The following RGP1 variants were observed in gnomAD, a reference collection of about 807,000 sequenced individuals.
The protein encoded by RGP1 is RAB6A-GEF complex partner protein 2.
RGP1 carries 28 observed loss-of-function variants against 44.5 expected under a neutral mutation model. That is an observed-to-expected ratio of 0.63 (90% CI 0.47 to 0.86). The LOEUF (loss-of-function observed/expected upper bound fraction) is 0.86, where lower values mean the gene tolerates loss of function less well. RGP1 is among the 40% of genes least tolerant of loss of function. The pLI is 0.00. For missense variants in RGP1, 417 were observed against 490.7 expected (o/e 0.85, Z 1.42); for synonymous variants, 212 against 196.7 (o/e 1.08, Z -0.65).
Position 35,754,398 on chromosome 9 carries a change from C to T in RGP1, c.*1524C>T. The T allele has an allele frequency of 3.0e-6, 1 of 330,652 alleles. No homozygotes were observed. 20.5% of individuals were successfully genotyped at this position (330,652 alleles called of 1,614,324 possible). ...ATGAAAACAAGAGGTCTAGCTTTAA[C>T]AAGCTGTGAGAGCTGATTCATGCCC... On this transcript the variant is annotated 3_prime_UTR_variant, in exon 9 of 9. Transcript: ENST00000378078.
rs778378494 is a variant in RGP1 at position 35,750,376 on chromosome 9, C to G, written c.250C>G (p.Arg84Gly). The G allele has an allele frequency of 2.5e-6, 4 of 1,613,860 alleles. No homozygotes were observed. Among genetic ancestry groups the G allele is most frequent in the Middle Eastern group, 1.6e-4 (1 of 6,062 alleles). Residue 84 changes from arginine to glycine, a missense_variant, in exon 3 of 9, where the codon CGA (arginine) becomes GGA (glycine). Coordinates refer to ENST00000378078, the MANE Select transcript of RGP1 (RefSeq NM_001080496.3). ...CAGCCAGACTGTCTTTCTGCCACACCGAGGTTAGAGAGGGGCATTTGCCTG... is the reference window on the plus strand; with the variant it reads ...CAGCCAGACTGTCTTTCTGCCACACGGAGGTTAGAGAGGGGCATTTGCCTG... ...PDSQTVFLPH[R>G]GERGQCILST... is the part of the protein sequence containing the mutation.
Position 35,753,494 on chromosome 9 carries a change from A to G in RGP1, c.*620A>G, listed in dbSNP as rs1827307089. ...GGTCCACCCCAACCTCCCCTGATTT[A>G]TAGCCTGAAGCCTTATCTTTCACAC... On this transcript the variant is annotated 3_prime_UTR_variant, in exon 9 of 9. Coordinates refer to ENST00000378078, the MANE Select transcript of RGP1 (RefSeq NM_001080496.3). This position sits in a 1 kb window ranked among gnomAD's most constrained non-coding sequence, Gnocchi z 4.2. 2.6e-6 allele frequency: 2 copies of G among 775,916 alleles called. No homozygotes were observed. The highest frequency in any genetic ancestry group is 4.1e-6 in the Non-Finnish European group (2 of 482,284). 48.1% of individuals were successfully genotyped at this position (775,916 alleles called of 1,614,324 possible). A position where few individuals can be genotyped will look rare whatever the true frequency, so the allele number is the denominator to read the frequency against.
the RGP1 span, among the ~76,000 whole-genome samples, chr9:35,776,852 G>A: frequency 0.032 from 4,867 of 151,494 alleles, 97 homozygotes; most frequent in Middle Eastern, 0.12. Context: ...AAAATTAGCC[G>A]GACGTGGTGG....
rs937495454 is a variant in RGP1 at position 35,758,293 on chromosome 9, G to C, written c.*5419G>C. 1 of 152,218 alleles carries C rather than the reference G, an allele frequency of 6.6e-6. No homozygotes were observed. The highest frequency in any genetic ancestry group is 1.5e-5 in the Non-Finnish European group (1 of 68,050). 9.4% of individuals were successfully genotyped at this position (152,218 alleles called of 1,614,324 possible). On this transcript the variant is annotated 3_prime_UTR_variant, in exon 9 of 9. Transcript: ENST00000378078. ...TGAGGCTACTATCTTCTGTGGATGT[G>C]TATGTAATTATACAGTTTCTGTATT...
the RGP1 span, among the ~76,000 whole-genome samples, chr9:35,765,656 C>CA: frequency 0.46 from 50,392 of 109,876 alleles, 9,487 homozygotes; most frequent in Middle Eastern, 0.54. Context: ...GACCCTGTCT[C>CA]AAAAAAAAAA....
downstream of RGP1, among the ~76,000 whole-genome samples, chr9:35,761,930 G>A (rs1318660753): frequency 6.6e-6 from 1 of 152,162 alleles, no homozygotes; most frequent in Non-Finnish European, 1.5e-5. Flanking sequence ...GAGGCAGGCA[G>A]ATCACTTGAG....
chr9:35,777,147 T>C, the RGP1 span, among the ~76,000 whole-genome samples: 1 of 84,120 alleles, frequency 1.2e-5, no homozygotes, highest in Non-Finnish European at 2.3e-5. Flanking sequence ...TTTTTTTTTT[T>C]GAGACAGAGT....
At position 35,752,021 on chromosome 9, in the gene RGP1, G is replaced by T. The variant is rs939705636; in HGVS notation, c.828G>T (p.Gly276=). 1 of 1,609,648 alleles carries T rather than the reference G, an allele frequency of 6.2e-7. No homozygotes were observed. The highest frequency in any genetic ancestry group is 1.3e-5 in the African/African-American group (1 of 74,798). The change falls in exon 8 of 9, where the codon GGG becomes GGT. Residue 276 remains glycine, a synonymous_variant. Transcript: ENST00000378078. The stretch of plus-strand genomic sequence containing the variant: ...AGTACCAGCGGCGACGTGGGGCAGG[G>T]GGTGTCCCCTCTGTGTCACATGTGA... ...QPEYQRRRGA[G]GVPSVSHVTH... is the part of the protein sequence containing the mutation.
At chr9:35,788,074 A>G in the RGP1 span, among the ~76,000 whole-genome samples, 1 of 152,248 alleles carries the variant, frequency 6.6e-6, no homozygotes, top group African/African-American at 2.4e-5. Context: ...AGTTTGGGGC[A>G]TCAGAGCCTA....
chr9:35,773,381 C>G, the RGP1 span, among the ~76,000 whole-genome samples: 6 of 151,964 alleles, frequency 3.9e-5, no homozygotes, highest in African/African-American at 1.4e-4. Context: ...AGAGTAAGAA[C>G]CTGTCTTAAG....
At chr9:35,770,694 C>T in the RGP1 span, among the ~76,000 whole-genome samples, 1 of 152,128 alleles carries the variant, frequency 6.6e-6, no homozygotes, top group Non-Finnish European at 1.5e-5. Flanking sequence ...TGTACCACTA[C>T]AGTCAGCTGT....
At chr9:35,764,261 G>A in the RGP1 span, among the ~76,000 whole-genome samples, 22 of 152,228 alleles carry the variant, frequency 1.4e-4, no homozygotes, top group Admixed American at 1.0e-3. Flanking sequence ...TTAAAAATTC[G>A]ACTTAAGCTA....
chr9:35,786,280 T>C, the RGP1 span, among the ~76,000 whole-genome samples: 1 of 152,200 alleles, frequency 6.6e-6, no homozygotes, highest in East Asian at 1.9e-4. Context: ...CACTTTTTCC[T>C]CAGTGAAAGA....
At chr9:35,775,687 A>G in the RGP1 span, among the ~76,000 whole-genome samples, 1 of 152,202 alleles carries the variant, frequency 6.6e-6, no homozygotes, top group Non-Finnish European at 1.5e-5. Context: ...TTGGTCATAT[A>G]CTACTGATCA....
the RGP1 span, among the ~76,000 whole-genome samples, chr9:35,788,760 G>T: frequency 6.6e-6 from 1 of 152,040 alleles, no homozygotes; most frequent in African/African-American, 2.4e-5. Context: ...TTGCAGCATG[G>T]TCACCAAATA....
chr9:35,766,136 TGTCA>T, the RGP1 span, among the ~76,000 whole-genome samples: 1 of 147,728 alleles, frequency 6.8e-6, no homozygotes, highest in South Asian at 2.1e-4. Flanking sequence ...GCCTTAGTAT[TGTCA>T]GTTTCTTAAA....
chr9:35,770,034 T>C, the RGP1 span, among the ~76,000 whole-genome samples: 1 of 152,210 alleles, frequency 6.6e-6, no homozygotes, highest in African/African-American at 2.4e-5. Context: ...GAATGTTTTA[T>C]AGTGTGGGTT....
At chr9:35,779,965 T>G in the RGP1 span, among the ~76,000 whole-genome samples, 1 of 152,186 alleles carries the variant, frequency 6.6e-6, no homozygotes, top group Non-Finnish European at 1.5e-5. Context: ...CTCAAACTCC[T>G]GGGCTCAAGT....
chr9:35,766,001 A>AT, the RGP1 span, among the ~76,000 whole-genome samples: 1 of 151,292 alleles, frequency 6.6e-6, no homozygotes, highest in Admixed American at 6.6e-5. Flanking sequence ...TACCTGGCTA[A>AT]TTTTTTTATT....
Sources: gnomAD v4.1 joint callset for allele counts (sites outside exome capture counted in the v4.1 genomes callset) on GRCh38, gnomAD v4.1.1 for gene constraint, Gnocchi (gnomAD v3.1) non-coding constraint, MANE v1.5 for transcripts, NCBI Gene and HGNC (gene_info 2026-07-23, HGNC 2026-07-21) for gene names.